Variants in FOCAD observed in about 807,000 individuals in gnomAD.
The protein encoded by FOCAD is KIAA1797.
FOCAD carries 198 observed loss-of-function variants against 225.6 expected under a neutral mutation model. The ratio of observed to expected loss-of-function variants is 0.88; its 90% CI spans 0.78 to 0.99. The LOEUF is 0.99. Ranked by LOEUF, FOCAD falls within the 50% of genes least tolerant of loss-of-function variation. The pLI is 0.00. For missense variants in FOCAD, 2,713 were observed against 2,123.6 expected (o/e 1.28, Z -5.46); for synonymous variants, 897 against 755.0 (o/e 1.19, Z -3.08).
At position 20,789,415 on chromosome 9, in the gene FOCAD, T is replaced by C; in HGVS notation, c.1262T>C (p.Ile421Thr). Residue 421 changes from isoleucine (I) to threonine (T), a missense_variant, in exon 11 of 44, where the codon ATT becomes ACT. By Grantham distance (89) the Ile-to-Thr change is moderately conservative. Transcript: ENST00000338382. ...GGTACAATATTTACAGCCTGGAGGATTCTTGAAGTAATGACAGACTCGTCT... is the reference window on the plus strand; with the variant it reads ...GGTACAATATTTACAGCCTGGAGGACTCTTGAAGTAATGACAGACTCGTCT... ...MYGTIFTAWR[I>T]LEVMTDSSAA... is the part of the protein sequence containing the mutation. 1 of 1,614,032 alleles carries C rather than the reference T, an allele frequency of 6.2e-7. No homozygotes were observed. Among genetic ancestry groups the C allele is most frequent in the Non-Finnish European group, 8.5e-7 (1 of 1,179,946 alleles).
chr9:20,984,091 T>G (rs977814922), intron 39 of FOCAD, among the ~76,000 whole-genome samples: 2 of 152,202 alleles, frequency 1.3e-5, no homozygotes, highest in African/African-American at 4.8e-5. Flanking sequence ...GTTAGTCTGC[T>G]TCAGCAAGGT....
intron 15 of FOCAD, among the ~76,000 whole-genome samples, chr9:20,835,292 C>T (rs1049874164): frequency 6.6e-6 from 1 of 151,922 alleles, no homozygotes; most frequent in Non-Finnish European, 1.5e-5. Context: ...GTGATATTTA[C>T]TAATGGGTTT....
At chr9:20,797,990 A>T (rs1821323411) in intron 11 of FOCAD, among the ~76,000 whole-genome samples, 1 of 152,180 alleles carries the variant, frequency 6.6e-6, no homozygotes, top group African/African-American at 2.4e-5. Context: ...GGTTTGTCAT[A>T]GATAGCTCTT....
chr9:20,944,747 C>T lies in FOCAD; in HGVS notation c.3528C>T (p.Ser1176=), dbSNP rs755212646. ...LRKLSAHVDD[S]GSQSRTFQEV... ...AGCTGTCTGCGCACGTAGATGACAG[C>T]GGGAGCCAGAGCAGAACGTTTCAGG... is the stretch of plus-strand genomic sequence containing the variant. The change falls in exon 29 of 44, where the codon AGC becomes AGT. Residue 1176 remains serine (S), a synonymous_variant. Coordinates refer to ENST00000338382, the MANE Select transcript of FOCAD (RefSeq NM_001375567.1). 40 of 1,613,482 alleles carry T rather than the reference C, an allele frequency of 2.5e-5. No homozygotes were observed. The highest frequency in any genetic ancestry group is 9.3e-5 in the African/African-American group (7 of 75,018).
chr9:20,683,069 G>T (rs1170903369), upstream of FOCAD, among the ~76,000 whole-genome samples: 1 of 152,106 alleles, frequency 6.6e-6, no homozygotes, highest in Non-Finnish European at 1.5e-5. Flanking sequence ...CTGGCCCCAA[G>T]ATTAATTTAG....
intron 1 of FOCAD, among the ~76,000 whole-genome samples, chr9:20,707,408 C>A (rs1389822488): frequency 6.6e-6 from 1 of 151,836 alleles, no homozygotes; most frequent in Non-Finnish European, 1.5e-5. Context: ...TACAGTTGAC[C>A]CTTGAACAAT....
chr9:20,905,379 T>TCAAG (rs1832869680), intron 21 of FOCAD, among the ~76,000 whole-genome samples: 1 of 152,050 alleles, frequency 6.6e-6, no homozygotes, highest in East Asian at 1.9e-4. Context: ...TCCTTTCCTT[T>TCAAG]TTTAAACTCA....
chr9:20,761,087 A>T (rs1437666117), intron 6 of FOCAD, among the ~76,000 whole-genome samples: 1 of 152,100 alleles, frequency 6.6e-6, no homozygotes, highest in African/African-American at 2.4e-5. Flanking sequence ...CCCAGGCTGA[A>T]CATGAACTCC....
At chr9:20,995,237 T>A (rs1451221490) in intron 43 of FOCAD, among the ~76,000 whole-genome samples, 1 of 151,988 alleles carries the variant, frequency 6.6e-6, no homozygotes, top group East Asian at 1.9e-4. Flanking sequence ...AGGAGATTTT[T>A]ACAAAGGGAA....
chr9:20,935,611 C>A (rs994494556), intron 28 of FOCAD, among the ~76,000 whole-genome samples: 1 of 152,162 alleles, frequency 6.6e-6, no homozygotes, highest in Non-Finnish European at 1.5e-5. Context: ...ATTGGTCAGG[C>A]TGGTCTCAAA....
At chr9:20,740,379 A>T (rs758472568) in intron 5 of FOCAD, 39 bp downstream of exon 5, 46 of 1,136,612 alleles carry the variant, frequency 4.0e-5, no homozygotes, top group Non-Finnish European at 5.8e-5. Flanking sequence ...ACAAATATGA[A>T]TTTTTAATGA....
chr9:20,725,893 T>C (rs1289660288), intron 4 of FOCAD, among the ~76,000 whole-genome samples: 1 of 152,158 alleles, frequency 6.6e-6, no homozygotes, highest in Non-Finnish European at 1.5e-5. Flanking sequence ...CATGAAACAA[T>C]TGTAAACTCG....
intron 36 of FOCAD, among the ~76,000 whole-genome samples, chr9:20,976,900 A>T (rs1269434262): frequency 6.6e-6 from 1 of 152,174 alleles, no homozygotes; most frequent in Non-Finnish European, 1.5e-5. Context: ...ATGCTGTATT[A>T]ATTTTCTATT....
At chr9:20,903,030 C>A (rs1832681210) in intron 21 of FOCAD, among the ~76,000 whole-genome samples, 1 of 151,866 alleles carries the variant, frequency 6.6e-6, no homozygotes, top group Admixed American at 6.6e-5. Flanking sequence ...ATTTTACTGT[C>A]TAGTTGTATG....
chr9:20,884,208 T>C (rs1198721947), intron 20 of FOCAD, among the ~76,000 whole-genome samples: 3 of 152,242 alleles, frequency 2.0e-5, no homozygotes, highest in African/African-American at 7.2e-5. Flanking sequence ...TATTTATACT[T>C]ATACTTATTT....
chr9:20,848,146 A>G (rs994354641), intron 15 of FOCAD, among the ~76,000 whole-genome samples: 2 of 147,558 alleles, frequency 1.4e-5, no homozygotes, highest in African/African-American at 5.0e-5. Context: ...AATCCTTCAG[A>G]TGAAGATCCA....
At chr9:20,882,794 C>T (rs1214384332) in intron 20 of FOCAD, among the ~76,000 whole-genome samples, 1 of 152,102 alleles carries the variant, frequency 6.6e-6, no homozygotes, top group Non-Finnish European at 1.5e-5. Context: ...TTATTTGCGA[C>T]ATTTTGAAGC....
chr9:20,938,259 T>C (rs1179975137), intron 28 of FOCAD, among the ~76,000 whole-genome samples: 2 of 152,206 alleles, frequency 1.3e-5, no homozygotes, highest in African/African-American at 4.8e-5. Flanking sequence ...TAAATCATGC[T>C]GCTATAAAGA....
chr9:20,850,820 A>C (rs1015471240), intron 15 of FOCAD, among the ~76,000 whole-genome samples: 1 of 148,884 alleles, frequency 6.7e-6, no homozygotes, highest in Non-Finnish European at 1.5e-5. Context: ...CTCTTCCTTA[A>C]CCAGGTAATT....
Sources: gnomAD v4.1 joint callset for allele counts (sites outside exome capture counted in the v4.1 genomes callset) on GRCh38, gnomAD v4.1.1 for gene constraint, MANE v1.5 for transcripts, NCBI Gene and HGNC (gene_info 2026-07-23, HGNC 2026-07-21) for gene names.